The following LRP1B variants were observed in gnomAD, a reference collection of about 807,000 sequenced individuals.
The protein encoded by LRP1B is low-density lipoprotein receptor-related protein 1B.
In LRP1B, 217 loss-of-function variants were observed where a neutral mutation model predicts 556.6. That is an observed-to-expected ratio of 0.39 (90% CI 0.35 to 0.44). LRP1B has a LOEUF of 0.44. Among genes scored for constraint, LRP1B ranks in the 20% least tolerant of loss-of-function variants. The pLI is 1.00. For missense variants in LRP1B, 5,053 were observed against 5,620.8 expected, an observed-to-expected ratio of 0.90 and a Z score of 3.23; for synonymous variants, 2,047 against 1,865.8, an observed-to-expected ratio of 1.10 and a Z score of -2.50.
chr2:141,745,271 TG>T (rs2105553141), intron 2 of LRP1B, among the ~76,000 whole-genome samples: 1 of 152,274 alleles, frequency 6.6e-6, no homozygotes, highest in Admixed American at 6.5e-5. Flanking sequence ...TTTCCCTTTA[TG>T]GCAGTGAATT....
Position 140,514,760 on chromosome 2 carries a change from G to A in LRP1B, c.8162C>T (p.Ser2721Phe), listed in dbSNP as rs763661881. ...TGCGGAACAAGCAAATTGGTTCCAA[G>A]AGCAAGAAGAATCTAGGAAACAAAC... ...RDEFHCDSSC[S>F]WNQFACSAQK... The change falls in exon 51 of 91, where the codon TCT becomes TTT. Residue 2721 changes from serine to phenylalanine, a missense_variant. This residue lies in a region of LRP1B where 3,619 missense variants were observed against 3,931.9 expected (regional missense o/e 0.92). Coordinates refer to ENST00000389484, the MANE Select transcript of LRP1B (RefSeq NM_018557.3). 6.2e-7 allele frequency: 1 copy of A among 1,603,698 alleles called. No homozygotes were observed. Among genetic ancestry groups the A allele is most frequent in the South Asian group, 1.1e-5 (1 of 89,266 alleles).
intron 86 of LRP1B, among the ~76,000 whole-genome samples, chr2:140,255,684 A>G (rs2104915713): frequency 6.6e-6 from 1 of 152,262 alleles, no homozygotes; most frequent in Non-Finnish European, 1.5e-5. Flanking sequence ...AAAACATGGA[A>G]GAGGCATAGT....
At chr2:142,062,832 T>G (rs1704970982) in intron 1 of LRP1B, among the ~76,000 whole-genome samples, 1 of 151,726 alleles carries the variant, frequency 6.6e-6, no homozygotes, top group Non-Finnish European at 1.5e-5. Flanking sequence ...ACTTTCAACA[T>G]GAACTTTTAT....
intron 15 of LRP1B, among the ~76,000 whole-genome samples, chr2:140,994,817 C>T (rs1323179108): frequency 6.6e-6 from 1 of 151,890 alleles, no homozygotes; most frequent in Admixed American, 6.6e-5. Flanking sequence ...CAAACATACA[C>T]AGAAATAAAT....
At chr2:140,593,835 G>A (rs927045154) in intron 43 of LRP1B, among the ~76,000 whole-genome samples, 6 of 152,020 alleles carry the variant, frequency 3.9e-5, no homozygotes, top group African/African-American at 1.4e-4. Context: ...TATTTTTGCT[G>A]TTTGAAAGGA....
chr2:141,966,829 C>T (rs936962351), intron 1 of LRP1B, among the ~76,000 whole-genome samples: 1 of 151,730 alleles, frequency 6.6e-6, no homozygotes, highest in East Asian at 2.0e-4. Context: ...TCTCTAAGCT[C>T]GCTGGATACA....
intron 84 of LRP1B, among the ~76,000 whole-genome samples, chr2:140,280,992 G>A (rs1682891104): frequency 6.6e-6 from 1 of 151,760 alleles, no homozygotes; most frequent in Admixed American, 6.6e-5. Context: ...TGATGAATAT[G>A]TAATTACAGA....
chr2:141,242,094 G>T (rs147675809), intron 5 of LRP1B, among the ~76,000 whole-genome samples: 1 of 152,134 alleles, frequency 6.6e-6, no homozygotes, highest in East Asian at 1.9e-4. Flanking sequence ...CCTAAGAATA[G>T]ATCTTAATAT....
chr2:141,902,359 T>C (rs1699642906), intron 1 of LRP1B, among the ~76,000 whole-genome samples: 2 of 151,948 alleles, frequency 1.3e-5, no homozygotes, highest in Non-Finnish European at 1.5e-5. Context: ...GTAGCATGTA[T>C]ATAAGTGGTT....
intron 2 of LRP1B, among the ~76,000 whole-genome samples, chr2:141,624,032 T>TAAAAAAAAAAAAAAA (rs761446527): frequency 1.0e-3 from 15 of 14,440 alleles, no homozygotes; most frequent in East Asian, 3.2e-3. Context: ...AAAAAAAAAT[T>TAAAAAAAAAAAAAAA]AAACAAAAAA....
chr2:141,277,946 G>T (rs1211207162), intron 3 of LRP1B, among the ~76,000 whole-genome samples: 2 of 152,016 alleles, frequency 1.3e-5, no homozygotes, highest in Non-Finnish European at 1.5e-5. Flanking sequence ...AACCTTATGG[G>T]ATATTGCAAT....
chr2:141,791,372 G>A (rs1225332017), intron 2 of LRP1B, among the ~76,000 whole-genome samples: 1 of 151,864 alleles, frequency 6.6e-6, no homozygotes, highest in African/African-American at 2.4e-5. Flanking sequence ...TATGGATTGA[G>A]CTATATACAC....
chr2:140,601,872 C>G (rs1157977240), intron 41 of LRP1B, among the ~76,000 whole-genome samples: 3 of 152,026 alleles, frequency 2.0e-5, no homozygotes, highest in African/African-American at 7.2e-5. Context: ...AATCTTCTCA[C>G]AAATAAAATA....
chr2:140,429,612 G>A (rs1285174926), intron 66 of LRP1B, among the ~76,000 whole-genome samples: 4 of 152,074 alleles, frequency 2.6e-5, no homozygotes, highest in East Asian at 1.9e-4. Flanking sequence ...CCTGCTGATC[G>A]TGTTTGACTA....
intron 31 of LRP1B, among the ~76,000 whole-genome samples, chr2:140,823,947 G>T (rs1018621818): frequency 2.6e-5 from 4 of 151,834 alleles, no homozygotes; most frequent in Non-Finnish European, 5.9e-5. Flanking sequence ...GGTGGAAGGT[G>T]GGAAGAGGGT....
Position 141,787,414 on chromosome 2 carries a change from G to C in LRP1B, c.205+22865C>G, listed in dbSNP as rs556823592. 1.2e-4 allele frequency among the ~76,000 whole-genome samples: 18 copies of C among 151,880 alleles called. 1 individual carries two copies. The South Asian group carries it at 3.5e-3, about 30-fold the overall frequency. On this transcript the variant is annotated intron_variant, in intron 2 of 90. Transcript: ENST00000389484. ...ATAGAATACAATTCATCAATACAAA[G>C]AATTAGCTACTGATATATGCAATCA...
intron 10 of LRP1B, among the ~76,000 whole-genome samples, chr2:141,053,467 C>G (rs975974443): frequency 1.3e-5 from 2 of 151,796 alleles, no homozygotes; most frequent in Non-Finnish European, 2.9e-5. Context: ...CTTTCTAATC[C>G]CTGGATCTCA....
chr2:141,313,268 G>A (rs370473345), intron 3 of LRP1B, among the ~76,000 whole-genome samples: 1 of 151,774 alleles, frequency 6.6e-6, no homozygotes, highest in African/African-American at 2.4e-5. Context: ...TCTTGATGGT[G>A]TAATTCCTTT....
At chr2:141,183,287 A>G (rs1681090809) in intron 7 of LRP1B, among the ~76,000 whole-genome samples, 1 of 151,692 alleles carries the variant, frequency 6.6e-6, no homozygotes, top group African/African-American at 2.4e-5. Context: ...TCATTACAAA[A>G]CCTTTTACGT....
Sources: allele counts gnomAD v4.1 joint callset (sites outside exome capture counted in the v4.1 genomes callset), GRCh38; gene constraint gnomAD v4.1.1; regional missense constraint gnomAD v4.1.1; transcripts MANE v1.5; gene names NCBI Gene and HGNC (gene_info 2026-07-23, HGNC 2026-07-21).